The following TFAP4 variants were observed in gnomAD, a reference collection of about 807,000 sequenced individuals.
TFAP4 encodes the protein activating enhancer-binding protein 4.
TFAP4 carries 7 observed loss-of-function variants against 40.4 expected under a neutral mutation model. The ratio of observed to expected loss-of-function variants is 0.17; its 90% CI spans 0.10 to 0.33. The LOEUF (loss-of-function observed/expected upper bound fraction) is 0.33, where lower values mean the gene tolerates loss of function less well. TFAP4 is among the 10% of genes least tolerant of loss of function. The pLI, the probability that TFAP4 is intolerant of heterozygous loss-of-function variation, is 1.00. For missense variants in TFAP4, 374 were observed against 451.1 expected (o/e 0.83, Z 1.55); for synonymous variants, 218 against 181.4 (o/e 1.20, Z -1.62).
chr16:4,260,706 C>G, intron 4 of TFAP4, 111 bp from the exon 5 acceptor site: 1 of 1,320,786 alleles, frequency 7.6e-7, no homozygotes, highest in African/African-American at 1.5e-5. Context: ...AGGGCGGGCC[C>G]CTCTCAACAG....
Position 4,258,178 on chromosome 16 carries a change from C to G in TFAP4, c.894G>C (p.Val298=), listed in dbSNP as rs773475420. 1 of 1,613,646 alleles carries G rather than the reference C, an allele frequency of 6.2e-7. No individual in the cohort carries two copies. Among genetic ancestry groups the G allele is most frequent in the Admixed American group, 1.7e-5 (1 of 59,988 alleles). ...LEEEQRRAVI[V]KPVRSCPEAP... is the part of the protein sequence containing the mutation. ...CCTCCGGGCAGCTGCGGACAGGCTT[C>G]ACGATGACAGCTCGCCGCTGCTCCT... The change falls in exon 7 of 7, where the codon GTG becomes GTC. Residue 298 remains valine, a synonymous_variant. Transcript: ENST00000204517.
intron 1 of TFAP4, among the ~76,000 whole-genome samples, chr16:4,270,707 G>A (rs1346634078): frequency 6.6e-6 from 1 of 152,220 alleles, no homozygotes; most frequent in East Asian, 1.9e-4. Flanking sequence ...ATAAATTGAA[G>A]CCAGAATCTC....
intron 1 of TFAP4, among the ~76,000 whole-genome samples, chr16:4,269,608 G>A (rs2053025300): frequency 6.6e-6 from 1 of 150,890 alleles, no homozygotes; most frequent in South Asian, 2.1e-4. Context: ...TCAGGAGATC[G>A]AGACCATCCT....
Position 4,272,954 on chromosome 16 carries a change from ATGTGTGTGTGTGTGTGTGTGTGTGTGTG to A in TFAP4, c.-236_-209del, listed in dbSNP as rs71139626. 3 of 156,196 alleles carry A rather than the reference ATGTGTGTGTGTGTGTGTGTGTGTGTGTG, an allele frequency of 1.9e-5. No individual in the cohort carries two copies. Among genetic ancestry groups the A allele is most frequent in the Non-Finnish European group, 2.5e-5 (2 of 81,442 alleles). 9.7% of individuals were successfully genotyped at this position (156,196 alleles called of 1,614,324 possible). Reference sequence around the variant, plus strand: ...CCGGCCTGCCTCCCCGGGCGTGTGTATGTGTGTGTGTGTGTGTGTGTGTGTGTGTGTGTGTGTGTGTGTGTGTGTTTGC... The same window carrying A: ...CCGGCCTGCCTCCCCGGGCGTGTGTATGTGTGTGTGTGTGTGTGTGTTTGC... On this transcript the variant is annotated 5_prime_UTR_variant, in exon 1 of 7. Transcript: ENST00000204517.
At chr16:4,272,611 G>A in intron 1 of TFAP4, 47 bp downstream of exon 1, 1 of 1,479,076 alleles carries the variant, frequency 6.8e-7, no homozygotes, top group Non-Finnish European at 9.2e-7. Context: ...CGGGCTGGCC[G>A]GGGGCTGCAG....
chr16:4,262,336 C>T lies in TFAP4; in HGVS notation c.342G>A (p.Lys114=). The change falls in exon 3 of 7, where the codon AAG becomes AAA. Residue 114 remains lysine, a synonymous_variant. Coordinates refer to ENST00000204517, the MANE Select transcript of TFAP4 (RefSeq NM_003223.3). ...GGACAGGGCGCACCTGGATGAAGCG[C>T]TTGAGCTGTGTGTTCTGCTGCAAGA... is the stretch of plus-strand genomic sequence containing the variant. The part of the protein sequence containing the change: ...TRLLQQNTQL[K]RFIQELSGSS... The T allele has an allele frequency of 6.2e-7, 1 of 1,614,222 alleles. No homozygotes were observed. The highest frequency in any genetic ancestry group is 8.5e-7 in the Non-Finnish European group (1 of 1,180,032).
Position 4,257,311 on chromosome 16 carries a change from T to TAAAAAAAAAAAAAAAAAAAAAAGAAA in TFAP4, c.*743_*744insTTTCTTTTTTTTTTTTTTTTTTTTTT, listed in dbSNP as rs34634533. 8.7e-6 allele frequency: 1 copy of TAAAAAAAAAAAAAAAAAAAAAAGAAA among 114,780 alleles called. No individual in the cohort carries two copies. The allele number at this position is 114,780 out of a possible 1,614,324, so 7.1% of individuals were successfully genotyped here. Reference sequence around the variant, plus strand: ...CTTGAACACGAAGACCTCAAAATTGTAAAAAAAAAAAAAAAAGAAAGAAAA... The same window carrying TAAAAAAAAAAAAAAAAAAAAAAGAAA: ...CTTGAACACGAAGACCTCAAAATTGTAAAAAAAAAAAAAAAAAAAAAAGAAAAAAAAAAAAAAAAAAAGAAAGAAAA... On this transcript the variant is annotated 3_prime_UTR_variant, in exon 7 of 7. Coordinates refer to ENST00000204517, the MANE Select transcript of TFAP4 (RefSeq NM_003223.3).
Position 4,258,034 on chromosome 16 carries a change from AGAG to A in TFAP4, c.*18_*20del. On this transcript the variant is annotated 3_prime_UTR_variant, in exon 7 of 7. Coordinates refer to ENST00000204517, the MANE Select transcript of TFAP4 (RefSeq NM_003223.3). The stretch of plus-strand genomic sequence containing the variant: ...CGGCTCCCTCCAGCCCCCAGAAGGG[AGAG>A]GAGGGCTGGGGGGGTAGTCAGGGAA... 1.9e-6 allele frequency: 3 copies of A among 1,602,938 alleles called. No homozygotes were observed. The highest frequency in any genetic ancestry group is 2.6e-6 in the Non-Finnish European group (3 of 1,176,220).
At chr16:4,268,753 C>T (rs993459867) in intron 1 of TFAP4, among the ~76,000 whole-genome samples, 13 of 151,686 alleles carry the variant, frequency 8.6e-5, no homozygotes, top group African/African-American at 1.9e-4. Flanking sequence ...CATTCACACC[C>T]GGCTAGTTTT....
chr16:4,262,839 C>G (rs768882493), intron 1 of TFAP4, 138 bp from the exon 2 acceptor site: 60 of 961,780 alleles, frequency 6.2e-5, no homozygotes, highest in Admixed American at 3.7e-4. Context: ...GAGGGGTGCT[C>G]TCTGGGACAC....
At chr16:4,272,566 CG>C (rs2053048216) in intron 1 of TFAP4, 91 bp downstream of exon 1, 21 of 905,908 alleles carry the variant, frequency 2.3e-5, no homozygotes, top group Non-Finnish European at 3.2e-5. Flanking sequence ...GTCGGCGGCG[CG>C]GGCCATGCGT....
intron 4 of TFAP4, 71 bp downstream of exon 4, chr16:4,261,708 G>A: frequency 3.4e-6 from 5 of 1,458,378 alleles, no homozygotes; most frequent in Non-Finnish European, 4.5e-6. Flanking sequence ...GGGCCGCAGA[G>A]CAAGAGGCGC....
chr16:4,263,507 T>C (rs1416222119), intron 1 of TFAP4: 2 of 152,198 alleles, frequency 1.3e-5, no homozygotes, highest in East Asian at 3.9e-4. Context: ...CCCCACTCCC[T>C]TCCTACCCTC....
chr16:4,261,169 A>G (rs532651114), intron 4 of TFAP4, among the ~76,000 whole-genome samples: 2 of 151,726 alleles, frequency 1.3e-5, no homozygotes, highest in East Asian at 2.0e-4. Flanking sequence ...ACAGAGTCTC[A>G]CTATGCTTCC....
At chr16:4,267,160 A>G (rs2053004472) in intron 1 of TFAP4, 1 of 152,398 alleles carries the variant, frequency 6.6e-6, no homozygotes, top group African/African-American at 2.4e-5. Context: ...CAGCCTCCCG[A>G]GTAGCTGGGA....
chr16:4,260,320 G>A, intron 5 of TFAP4, 75 bp from the exon 6 acceptor site: 3 of 1,510,476 alleles, frequency 2.0e-6, no homozygotes, highest in Non-Finnish European at 1.8e-6. Context: ...TGCAGAGCTG[G>A]CCAATGTATA....
Position 4,258,087 on chromosome 16 carries a change from C to T in TFAP4, c.985G>A (p.Glu329Lys). 2 of 1,613,306 alleles carry T rather than the reference C, an allele frequency of 1.2e-6. No individual in the cohort carries two copies. Among genetic ancestry groups the T allele is most frequent in the Non-Finnish European group, 8.5e-7 (1 of 1,179,858 alleles). ...SDSDAMDQSR[E>K]EPSGDGELP The stretch of plus-strand genomic sequence containing the variant: ...AGCTCCCCGTCCCCCGACGGCTCCT[C>T]CCGGCTCTGGTCCATGGCGTCACTG... The change falls in exon 7 of 7, where the codon GAG becomes AAG. Residue 329 changes from glutamate (E) to lysine (K), a missense_variant. Glu to Lys is a moderately conservative substitution (Grantham distance 56). Coordinates refer to ENST00000204517, the MANE Select transcript of TFAP4 (RefSeq NM_003223.3).
chr16:4,262,291 CAG>C (rs2052956388), intron 3 of TFAP4, 31 bp downstream of exon 3: 1 of 1,610,014 alleles, frequency 6.2e-7, no homozygotes, highest in Non-Finnish European at 8.5e-7. Flanking sequence ...ATGCCCATGC[CAG>C]GGAGAGGGAG....
At chr16:4,260,773 G>A (rs747124728) in intron 4 of TFAP4, among the ~76,000 whole-genome samples, 178 bp from the exon 5 acceptor site, 6 of 152,052 alleles carry the variant, frequency 3.9e-5, no homozygotes, top group South Asian at 2.1e-4. Flanking sequence ...CTCCCACCTC[G>A]GCCTCCACTG....
Sources: allele counts gnomAD v4.1 joint callset (sites outside exome capture counted in the v4.1 genomes callset), GRCh38; gene constraint gnomAD v4.1.1; transcripts MANE v1.5; gene names NCBI Gene and HGNC (gene_info 2026-07-23, HGNC 2026-07-21).